The following OIT3 variants were observed in gnomAD, a reference collection of about 807,000 sequenced individuals.
OIT3 encodes oncoprotein induced transcript 3, also known as oncoprotein-induced transcript 3 protein.
In OIT3, 41 loss-of-function variants were observed where a neutral mutation model predicts 52.2. That is an observed-to-expected ratio of 0.79 (90% CI 0.61 to 1.02). The LOEUF (loss-of-function observed/expected upper bound fraction) is 1.02, where lower values mean the gene tolerates loss of function less well. Among genes scored for constraint, OIT3 ranks in the 50% least tolerant of loss-of-function variants. OIT3 has a pLI of 0.00. For missense variants in OIT3, 634 were observed against 715.5 expected (o/e 0.89, Z 1.30); for synonymous variants, 244 against 276.9 (o/e 0.88, Z 1.18).
intron 4 of OIT3, among the ~76,000 whole-genome samples, chr10:72,909,911 G>T (rs939456598): frequency 2.6e-5 from 4 of 152,174 alleles, no homozygotes; most frequent in Admixed American, 1.3e-4. Context: ...CTCCCAAAGG[G>T]CTGGGATTAT....
At chr10:72,905,331 C>T (rs935275399) in intron 3 of OIT3, among the ~76,000 whole-genome samples, 1 of 151,960 alleles carries the variant, frequency 6.6e-6, no homozygotes, top group Non-Finnish European at 1.5e-5. Flanking sequence ...ATTAGCTGGG[C>T]GTGGTGGTGC....
In OIT3 at chr10:72,924,581, G is replaced by A. The variant is rs750361367; in HGVS notation, c.1304G>A (p.Ser435Asn). 6.2e-7 allele frequency: 1 copy of A among 1,614,060 alleles called. No homozygotes were observed. Among genetic ancestry groups the A allele is most frequent in the South Asian group, 1.1e-5 (1 of 91,080 alleles). Residue 435 changes from serine to asparagine, a missense_variant, in exon 7 of 9, where the codon AGC (serine) becomes AAC (asparagine). Physicochemically the swap from Ser to Asn is conservative, Grantham distance 46 (BLOSUM62 1). Coordinates refer to ENST00000334011, the MANE Select transcript of OIT3 (RefSeq NM_152635.3). The part of the protein sequence containing the change: ...HVSGLESLVE[S>N]CFATPTSKID... ...AGCGGCTTGGAAAGCTTGGTGGAGAGCTGCTTTGCCACCCCCACCTCCAAG... is the reference window on the plus strand; with the variant it reads ...AGCGGCTTGGAAAGCTTGGTGGAGAACTGCTTTGCCACCCCCACCTCCAAG...
rs137872110 is a variant in OIT3, at chr10:72,925,533, T to A, written c.1367+889T>A. 5.6e-4 allele frequency among the ~76,000 whole-genome samples: 86 copies of A among 152,292 alleles called. No homozygotes were observed. In the East Asian group the frequency reaches 0.016, roughly 28 times the overall value. On this transcript the variant is annotated intron_variant, in intron 7 of 8. Transcript: ENST00000334011. ...TAAATTCCTCTTTTAAGAAGTTTGG[T>A]AGTCAAGGACAGAGAAGAAATAGTT...
At chr10:72,920,605 G>A (rs1346066829) in intron 6 of OIT3, among the ~76,000 whole-genome samples, 1 of 152,096 alleles carries the variant, frequency 6.6e-6, no homozygotes, top group African/African-American at 2.4e-5. Flanking sequence ...CCTAACCTGT[G>A]CCCCTGAGAT....
At chr10:72,930,119 A>G (rs571233136) in intron 7 of OIT3, among the ~76,000 whole-genome samples, 2 of 152,324 alleles carry the variant, frequency 1.3e-5, no homozygotes, top group Admixed American at 1.3e-4. Flanking sequence ...TAGGTGTCCA[A>G]TACATAGTTA....
At chr10:72,912,211 T>C (rs1348265833) in intron 5 of OIT3, among the ~76,000 whole-genome samples, 1 of 152,040 alleles carries the variant, frequency 6.6e-6, no homozygotes, top group Non-Finnish European at 1.5e-5. Flanking sequence ...TCCCTACACT[T>C]AGGATATGAG....
chr10:72,900,896 C>A (rs1311971991), intron 3 of OIT3, among the ~76,000 whole-genome samples: 1 of 152,050 alleles, frequency 6.6e-6, no homozygotes, highest in Non-Finnish European at 1.5e-5. Flanking sequence ...AGAAAAAACT[C>A]ATCTCTACAA....
intron 6 of OIT3, among the ~76,000 whole-genome samples, chr10:72,922,253 C>T (rs1161780229): frequency 1.3e-5 from 2 of 152,048 alleles, no homozygotes; most frequent in Non-Finnish European, 2.9e-5. Flanking sequence ...GGGAAGTGCT[C>T]ATGGATATCT....
At chr10:72,896,641 G>A (rs1036715468) in intron 1 of OIT3, among the ~76,000 whole-genome samples, 3 of 152,156 alleles carry the variant, frequency 2.0e-5, no homozygotes, top group Admixed American at 2.0e-4. Flanking sequence ...ACTTAACTTT[G>A]AATTGTGGAT....
At chr10:72,899,499 G>T (rs1845908081) in intron 2 of OIT3, among the ~76,000 whole-genome samples, 1 of 151,758 alleles carries the variant, frequency 6.6e-6, no homozygotes, top group Non-Finnish European at 1.5e-5. Flanking sequence ...GGAGGCTGAG[G>T]CAGGAGAATT....
intron 4 of OIT3, among the ~76,000 whole-genome samples, chr10:72,908,869 A>AT (rs1462170276): frequency 1.3e-5 from 2 of 151,664 alleles, no homozygotes; most frequent in Admixed American, 1.3e-4. Flanking sequence ...TAGTCCAAAC[A>AT]TATATGTTTC....
chr10:72,913,514 TA>T, intron 6 of OIT3, 46 bp downstream of exon 6: 1 of 1,495,078 alleles, frequency 6.7e-7, no homozygotes, highest in Non-Finnish European at 9.3e-7. Flanking sequence ...AAAAGCCGGT[TA>T]TTTGGGAGGC....
chr10:72,924,241 AAG>A lies in OIT3; in HGVS notation c.966_967del (p.Lys322AsnfsTer44). The A allele has an allele frequency of 2.5e-6, 4 of 1,594,952 alleles. No homozygotes were observed. Among genetic ancestry groups the A allele is most frequent in the Non-Finnish European group, 3.4e-6 (4 of 1,166,924 alleles). On this transcript the variant is annotated frameshift_variant, in exon 7 of 9. Transcript: ENST00000334011. LOFTEE classifies it high-confidence loss of function. ...CGTVVDVVND[K>X]IVASNLVTGL... ...TGGCCTGGCTCAGGTGGTGAATGACAAGATTGTGGCCAGCAACCTCGTGACAG... is the reference window on the plus strand; with the variant it reads ...TGGCCTGGCTCAGGTGGTGAATGACAATTGTGGCCAGCAACCTCGTGACAG...
intron 2 of OIT3, 132 bp from the exon 3 acceptor site, chr10:72,900,245 C>T (rs941236022): frequency 7.3e-5 from 44 of 605,716 alleles, no homozygotes; most frequent in Non-Finnish European, 1.3e-4. Context: ...TTGCTTGAGC[C>T]CAGGGGTTCG....
At chr10:72,894,580 A>G (rs936732900) in intron 1 of OIT3, among the ~76,000 whole-genome samples, 3 of 152,176 alleles carry the variant, frequency 2.0e-5, no homozygotes, top group Non-Finnish European at 4.4e-5. Flanking sequence ...AAGGATACAC[A>G]TTAAAAATAG....
intron 6 of OIT3, among the ~76,000 whole-genome samples, chr10:72,921,276 G>T (rs1475742770): frequency 2.0e-5 from 3 of 152,154 alleles, no homozygotes; most frequent in African/African-American, 7.2e-5. Flanking sequence ...TGCTTGATAA[G>T]TTGTCCTCAA....
At chr10:72,900,304 C>T (rs1421063349) in intron 2 of OIT3, 73 bp from the exon 3 acceptor site, 1 of 819,580 alleles carries the variant, frequency 1.2e-6, no homozygotes, top group Non-Finnish European at 2.0e-6. Context: ...ACCCCCCGCA[C>T]CATCTCTAAA....
chr10:72,895,187 T>C (rs1845863445), intron 1 of OIT3, among the ~76,000 whole-genome samples: 1 of 152,100 alleles, frequency 6.6e-6, no homozygotes. Flanking sequence ...TCCAAAACTA[T>C]TCCAAAAAAT....
chr10:72,898,565 C>A, intron 1 of OIT3, 99 bp from the exon 2 acceptor site: 2 of 1,171,164 alleles, frequency 1.7e-6, no homozygotes, highest in Non-Finnish European at 2.4e-6. Context: ...CTCTGGAATT[C>A]AAAAATGTCC....
Sources: allele counts gnomAD v4.1 joint callset (sites outside exome capture counted in the v4.1 genomes callset), GRCh38; gene constraint gnomAD v4.1.1; transcripts MANE v1.5; gene names NCBI Gene and HGNC (gene_info 2026-07-23, HGNC 2026-07-21).